Variants in USP35 observed in about 807,000 individuals in gnomAD.
USP35 encodes the protein ubiquitin specific peptidase 35, also known as ubiquitin carboxyl-terminal hydrolase 35.
A neutral mutation model predicts 83.8 loss-of-function variants in USP35; 69 were observed. That is an observed-to-expected ratio of 0.82 (90% CI 0.68 to 1.01). The LOEUF is 1.01. Ranked by LOEUF, USP35 falls within the 50% of genes least tolerant of loss-of-function variation. USP35 has a pLI of 0.00. For missense variants in USP35, 1,503 were observed against 1,362.5 expected, an observed-to-expected ratio of 1.10 and a Z score of -1.62; for synonymous variants, 714 against 589.5, an observed-to-expected ratio of 1.21 and a Z score of -3.06.
chr11:78,208,533 C>T (rs1024413238), intron 8 of USP35, among the ~76,000 whole-genome samples: 6 of 152,072 alleles, frequency 3.9e-5, no homozygotes, highest in South Asian at 4.1e-4. Flanking sequence ...GAAGAGGCAG[C>T]GCTGTATCTG....
chr11:78,203,961 G>A (rs1438224006), intron 6 of USP35, among the ~76,000 whole-genome samples: 1 of 139,386 alleles, frequency 7.2e-6, no homozygotes, highest in East Asian at 2.1e-4. Flanking sequence ...CGGGATCTCG[G>A]CTCACTGCAA....
the USP35 span, among the ~76,000 whole-genome samples, chr11:78,235,493 C>T: frequency 2.0e-5 from 3 of 152,216 alleles, no homozygotes; most frequent in Admixed American, 1.3e-4. Context: ...GCAAATTTTC[C>T]GAACATTTAT....
At position 78,202,131 on chromosome 11, in the gene USP35, G is replaced by T. The variant is rs1863377022; in HGVS notation, c.1197+1323G>T. Among the ~76,000 whole-genome samples the T allele has an allele frequency of 2.0e-5, 3 of 152,222 alleles. No individual in the cohort carries two copies. The South Asian group carries it at 6.2e-4, about 32-fold the overall frequency. ...GAAACAATGTTCTTTTTCCTCTGGAGTGAGGCAAGTGCGTGGCTGAGATGG... is the reference window on the plus strand; with the variant it reads ...GAAACAATGTTCTTTTTCCTCTGGATTGAGGCAAGTGCGTGGCTGAGATGG... On this transcript the variant is annotated intron_variant, in intron 6 of 10. Transcript: ENST00000529308.
At chr11:78,194,868 A>T (rs1863097179) in intron 1 of USP35, among the ~76,000 whole-genome samples, 1 of 152,142 alleles carries the variant, frequency 6.6e-6, no homozygotes, top group Non-Finnish European at 1.5e-5. Flanking sequence ...GGGGAGGCTG[A>T]CCCCAATCAA....
rs1863133426 is a variant in USP35 at position 78,196,043 on chromosome 11, T to C, written c.-10-193T>C. 1.3e-5 allele frequency among the ~76,000 whole-genome samples: 2 copies of C among 152,228 alleles called. No homozygotes were observed. Among genetic ancestry groups the C allele is most frequent in the Non-Finnish European group, 2.9e-5 (2 of 68,038 alleles). On this transcript the variant is annotated intron_variant, in intron 1 of 10. Transcript: ENST00000529308. This position sits in a 1 kb window ranked among gnomAD's most constrained non-coding sequence, Gnocchi z 4.8. ...ACGCAGGCCCCTGGCATTTATTATGTGCCAAGTGTTGTGCTTTATTTCATC... is the reference window on the plus strand; with the variant it reads ...ACGCAGGCCCCTGGCATTTATTATGCGCCAAGTGTTGTGCTTTATTTCATC...
the USP35 span, among the ~76,000 whole-genome samples, chr11:78,235,392 TC>T: frequency 6.6e-6 from 1 of 152,080 alleles, no homozygotes. Context: ...GACCTTGAGA[TC>T]CGCCCACCTC....
Position 78,200,601 on chromosome 11 carries a change from C to T in USP35, c.1039-49C>T, listed in dbSNP as rs1314910746. 4 of 1,558,558 alleles carry T rather than the reference C, an allele frequency of 2.6e-6. No homozygotes were observed. The African/African-American group carries it at 5.5e-5, about 21-fold the overall frequency. ...GTCAGCAGGGACCACAGCCCCGTGT[C>T]TCAGGTGGGCGGGTTGGTGCTGAGC... is the stretch of plus-strand genomic sequence containing the variant. On this transcript the variant is annotated intron_variant, in intron 5 of 10. Transcript: ENST00000529308.
intron 1 of USP35, among the ~76,000 whole-genome samples, chr11:78,192,153 C>T (rs975174704): frequency 6.6e-6 from 1 of 152,216 alleles, no homozygotes; most frequent in Non-Finnish European, 1.5e-5. Context: ...CAGGCAGGGG[C>T]TCACCCAAGG....
At chr11:78,216,634 G>C (rs1864161233), downstream of USP35, 1 of 151,272 alleles carries the variant, frequency 6.6e-6, no homozygotes, top group Non-Finnish European at 1.5e-5. Context: ...GGGCTGGAAG[G>C]AAGCCTCCTG....
chr11:78,197,827 G>A, intron 2 of USP35, 109 bp from the exon 3 acceptor site: 8 of 1,451,526 alleles, frequency 5.5e-6, no homozygotes, highest in Non-Finnish European at 6.4e-6. Context: ...CCTCTGCTGT[G>A]CTCTTCCTAG....
chr11:78,225,796 A>G, the USP35 span, among the ~76,000 whole-genome samples: 2 of 152,220 alleles, frequency 1.3e-5, no homozygotes, highest in South Asian at 4.1e-4. Flanking sequence ...GGAGACAAGG[A>G]GGTTTTGTCC....
At chr11:78,228,476 C>T in the USP35 span, among the ~76,000 whole-genome samples, 1 of 152,146 alleles carries the variant, frequency 6.6e-6, no homozygotes, top group African/African-American at 2.4e-5. Context: ...GGCTGTAATA[C>T]ATAATAGCCC....
At chr11:78,190,823 C>G (rs1475961264) in intron 1 of USP35, among the ~76,000 whole-genome samples, 1 of 152,176 alleles carries the variant, frequency 6.6e-6, no homozygotes, top group African/African-American at 2.4e-5. Context: ...GTAGAGGGGA[C>G]ATTGTGCAAA....
intron 8 of USP35, among the ~76,000 whole-genome samples, chr11:78,208,612 A>T (rs1863610176): frequency 6.6e-6 from 1 of 152,192 alleles, no homozygotes; most frequent in African/African-American, 2.4e-5. Context: ...GTGTGCCAGG[A>T]AGAGAAGATT....
chr11:78,227,387 A>G, the USP35 span, among the ~76,000 whole-genome samples: 2 of 152,216 alleles, frequency 1.3e-5, no homozygotes, highest in African/African-American at 4.8e-5. Flanking sequence ...GACAGTGGAA[A>G]GAACCTTTAA....
At chr11:78,210,938 A>C (rs968043272) in intron 10 of USP35, among the ~76,000 whole-genome samples, 194 bp downstream of exon 10, 33 of 152,320 alleles carry the variant, frequency 2.2e-4, no homozygotes, top group African/African-American at 7.0e-4. Flanking sequence ...CTGAGTAATG[A>C]ATGACGCAGT....
chr11:78,228,454 T>G, the USP35 span, among the ~76,000 whole-genome samples: 1 of 152,220 alleles, frequency 6.6e-6, no homozygotes, highest in Non-Finnish European at 1.5e-5. Flanking sequence ...CGTATACATA[T>G]AAACTTGTTG....
rs368966341 is a variant in USP35 at position 78,213,687 on chromosome 11, T to C, written c.2931T>C (p.Ser977=). ...CCCGGAGCAGGGCGGCCTACATCTC[T>C]GCACTCCCCACATCTCCGCACTGGG... ...KEARSRAAYI[S]ALPTSPHWGR... is the part of the protein sequence containing the mutation. The change falls in exon 11 of 11, where the codon TCT becomes TCC. Residue 977 remains serine, a synonymous_variant. Coordinates refer to ENST00000529308, the MANE Select transcript of USP35 (RefSeq NM_020798.4). 24 of 1,521,942 alleles carry C rather than the reference T, an allele frequency of 1.6e-5. No individual in the cohort carries two copies. The Admixed American group carries it at 1.8e-4, about 11-fold the overall frequency. 94.3% of individuals were successfully genotyped at this position (1,521,942 alleles called of 1,614,324 possible). A position where few individuals can be genotyped will look rare whatever the true frequency, so the allele number is the denominator to read the frequency against.
At chr11:78,195,454 G>GT (rs1180451800) in intron 1 of USP35, among the ~76,000 whole-genome samples, 1 of 152,182 alleles carries the variant, frequency 6.6e-6, no homozygotes, top group East Asian at 1.9e-4. Context: ...GAAAGAAAGA[G>GT]TGCGAGGCAT....
Sources: gnomAD v4.1 joint callset for allele counts (sites outside exome capture counted in the v4.1 genomes callset) on GRCh38, gnomAD v4.1.1 for gene constraint, Gnocchi (gnomAD v3.1) non-coding constraint, MANE v1.5 for transcripts, NCBI Gene and HGNC (gene_info 2026-07-23, HGNC 2026-07-21) for gene names.